Variants in FBN1 observed in about 807,000 individuals in gnomAD.
FBN1 encodes the protein fibrillin 1.
FBN1 carries 29 observed loss-of-function variants against 365.1 expected under a neutral mutation model. That is an observed-to-expected ratio of 0.08 (90% CI 0.06 to 0.11). FBN1 has a LOEUF of 0.11. FBN1 is among the 10% of genes least tolerant of loss of function. FBN1 has a pLI of 1.00. For synonymous variants in FBN1, 1,210 were observed against 1,270.5 expected (o/e 0.95, Z 1.01); for missense variants, 2,476 against 3,703.2 (o/e 0.67, Z 8.60).
chr15:48,621,334 C>T (rs74014632), intron 2 of FBN1, among the ~76,000 whole-genome samples: 1,904 of 152,318 alleles, frequency 0.013, 40 homozygotes, highest in African/African-American at 0.044. Context: ...TGAAGGGTTA[C>T]AGCAACAATG....
Position 48,460,262 on chromosome 15 carries a change from A to G in FBN1, c.5280T>C (p.Tyr1760=), listed in dbSNP as rs730880103. Residue 1760 remains tyrosine (Y), a synonymous_variant, in exon 43 of 66, where the codon TAT becomes TAC. Coordinates refer to ENST00000316623, the MANE Select transcript of FBN1 (RefSeq NM_000138.5). ...ATGACTCACCAACGGGTAAACCGGT[A>G]TAAATGTCGATGACAAAGCCTGGCC... ...SQRPGFVIDI[Y]TGLPVDIDEC... 5.0e-6 allele frequency: 8 copies of G among 1,613,528 alleles called. No individual in the cohort carries two copies. The Admixed American group carries it at 5.0e-5, about 10-fold the overall frequency.
At chr15:48,508,915 A>C (rs754170515) in intron 14 of FBN1, among the ~76,000 whole-genome samples, 2 of 152,364 alleles carry the variant, frequency 1.3e-5, no homozygotes, top group Non-Finnish European at 2.9e-5. Flanking sequence ...TGGCATGTGC[A>C]TGCAAACTCT....
Position 48,495,211 on chromosome 15 carries a change from C to T in FBN1, c.2589G>A (p.Glu863=). 1 of 1,614,164 alleles carries T rather than the reference C, an allele frequency of 6.2e-7. No individual in the cohort carries two copies. The highest frequency in any genetic ancestry group is 8.5e-7 in the Non-Finnish European group (1 of 1,180,018). ...CWQTVIDGRC[E]ININGATLKS... is the part of the protein sequence containing the mutation. ...TTAAGGTGGCTCCATTGATGTTGAT[C>T]TCACATCGCCCATCAATGACAGTCT... The change falls in exon 22 of 66, where the codon GAG becomes GAA. Residue 863 remains glutamate (E), a synonymous_variant. Transcript: ENST00000316623.
chr15:48,503,312 A>AAAAAG (rs1205118785), intron 17 of FBN1, among the ~76,000 whole-genome samples: 1 of 145,250 alleles, frequency 6.9e-6, no homozygotes, highest in East Asian at 2.0e-4. Context: ...AAAAAAAAAA[A>AAAAAG]AAGAAGAAGA....
chr15:48,427,760 C>A lies in FBN1; in HGVS notation c.7011G>T (p.Gly2337=), dbSNP rs777190552. The change falls in exon 58 of 66, where the codon GGG becomes GGT. Residue 2337 remains glycine, a synonymous_variant. Coordinates refer to ENST00000316623, the MANE Select transcript of FBN1 (RefSeq NM_000138.5). ...NQDECLDNRE[G]YCFTEVLQNM... ...TTTGTAGCACCTCTGTGAAGCAGTA[C>A]CCTTCCCGATTGTCTGGAAGGGACA... is the stretch of plus-strand genomic sequence containing the variant. The A allele has an allele frequency of 6.2e-7, 1 of 1,613,938 alleles. No individual in the cohort carries two copies. The highest frequency in any genetic ancestry group is 8.5e-7 in the Non-Finnish European group (1 of 1,179,920).
chr15:48,559,371 C>T (rs1476607348), intron 6 of FBN1, among the ~76,000 whole-genome samples: 1 of 152,158 alleles, frequency 6.6e-6, no homozygotes, highest in Non-Finnish European at 1.5e-5. Context: ...GAGAGCTCTC[C>T]AGGAAGTCTG....
chr15:48,489,678 G>A (rs1013866876), intron 25 of FBN1, among the ~76,000 whole-genome samples, 173 bp downstream of exon 25: 1 of 151,798 alleles, frequency 6.6e-6, no homozygotes, highest in Non-Finnish European at 1.5e-5. Context: ...AGGACTTCTT[G>A]GACCAAACAG....
At chr15:48,597,955 C>A (rs1482591267) in intron 5 of FBN1, among the ~76,000 whole-genome samples, 2 of 152,200 alleles carry the variant, frequency 1.3e-5, no homozygotes, top group Non-Finnish European at 2.9e-5. Flanking sequence ...CCAAGGGGAG[C>A]AGAAGAGATG....
At chr15:48,631,399 G>C (rs1889987133) in intron 2 of FBN1, among the ~76,000 whole-genome samples, 1 of 152,206 alleles carries the variant, frequency 6.6e-6, no homozygotes, top group Non-Finnish European at 1.5e-5. Flanking sequence ...AGCACCTAGA[G>C]AGGACAGTGA....
intron 6 of FBN1, among the ~76,000 whole-genome samples, chr15:48,582,646 T>C (rs1260887993): frequency 6.6e-6 from 1 of 152,206 alleles, no homozygotes; most frequent in East Asian, 1.9e-4. Flanking sequence ...CCAAAGGCGT[T>C]CCCCAGGGAC....
chr15:48,435,492 A>C (rs1425591231), intron 53 of FBN1, among the ~76,000 whole-genome samples: 1 of 152,098 alleles, frequency 6.6e-6, no homozygotes, highest in Non-Finnish European at 1.5e-5. Context: ...AAAAGACCAG[A>C]GGTTAAGTAA....
In FBN1 at chr15:48,520,837, T is replaced by TACACAC. The variant is rs147092263; in HGVS notation, c.989-26_989-21dup. ...GAACATCTGAGGACAAAGAAACACA[T>TACACAC]ACACACACACACATCGCTGAGATAA... On this transcript the variant is annotated intron_variant, in intron 9 of 65. Coordinates refer to ENST00000316623, the MANE Select transcript of FBN1 (RefSeq NM_000138.5). 1.2e-6 allele frequency: 2 copies of TACACAC among 1,612,742 alleles called. No individual in the cohort carries two copies. Among genetic ancestry groups the TACACAC allele is most frequent in the Admixed American group, 3.3e-5 (2 of 59,992 alleles).
Position 48,465,701 on chromosome 15 carries a change from A to G in FBN1, c.4817-8T>C, listed in dbSNP as rs2043315040. 3 of 1,613,914 alleles carry G rather than the reference A, an allele frequency of 1.9e-6. No individual in the cohort carries two copies. The highest frequency in any genetic ancestry group is 1.7e-6 in the Non-Finnish European group (2 of 1,179,956). On this transcript the variant is annotated splice_region_variant and splice_polypyrimidine_tract_variant and intron_variant, in intron 39 of 65. Coordinates refer to ENST00000316623, the MANE Select transcript of FBN1 (RefSeq NM_000138.5). ...CCTGGCACTCATCAATATCTATCAA[A>G]ATCAAAACAAAGGCATTCCTTTAGC...
chr15:48,639,353 A>G (rs1323056496), intron 2 of FBN1, among the ~76,000 whole-genome samples: 1 of 152,224 alleles, frequency 6.6e-6, no homozygotes, highest in African/African-American at 2.4e-5. Flanking sequence ...AGCAACATAT[A>G]GTGCTTAGTA....
chr15:48,540,565 C>A (rs989522300), intron 6 of FBN1, among the ~76,000 whole-genome samples: 1 of 152,060 alleles, frequency 6.6e-6, no homozygotes, highest in Non-Finnish European at 1.5e-5. Context: ...GCCTCTAATT[C>A]TTCATTATTA....
intron 61 of FBN1, 114 bp downstream of exon 61, chr15:48,421,838 A>G: frequency 4.3e-6 from 5 of 1,156,664 alleles, no homozygotes; most frequent in Non-Finnish European, 6.4e-6. Context: ...ACATACATGC[A>G]CTCATATATT....
intron 65 of FBN1, among the ~76,000 whole-genome samples, 164 bp from the exon 66 acceptor site, chr15:48,411,543 G>C (rs1354969290): frequency 6.6e-6 from 1 of 152,170 alleles, no homozygotes; most frequent in Non-Finnish European, 1.5e-5. Context: ...TATTAAATTG[G>C]CACATATTTG....
intron 44 of FBN1, among the ~76,000 whole-genome samples, chr15:48,455,583 T>C (rs1293901375): frequency 1.3e-5 from 2 of 152,154 alleles, no homozygotes; most frequent in African/African-American, 4.8e-5. Flanking sequence ...CCATGCTTCC[T>C]CTCCAGGTAC....
At chr15:48,503,347 A>G (rs2043678706) in intron 17 of FBN1, among the ~76,000 whole-genome samples, 1 of 151,072 alleles carries the variant, frequency 6.6e-6, no homozygotes, top group African/African-American at 2.5e-5. Context: ...AAAGAAAACC[A>G]CACCAAAATC....
Sources: allele counts gnomAD v4.1 joint callset (sites outside exome capture counted in the v4.1 genomes callset), GRCh38; gene constraint gnomAD v4.1.1; transcripts MANE v1.5; gene names NCBI Gene and HGNC (gene_info 2026-07-23, HGNC 2026-07-21).